The following EPB41 variants were observed in gnomAD, a reference collection of about 807,000 sequenced individuals.
The protein encoded by EPB41 is erythrocyte membrane protein band 4.1, also known as protein 4.1.
Under a neutral mutation model 108.0 loss-of-function variants are expected in EPB41, and 65 were observed. The observed-to-expected ratio is 0.60, with a 90% CI of 0.49 to 0.74. The LOEUF (loss-of-function observed/expected upper bound fraction) is 0.74, where lower values mean the gene tolerates loss of function less well. EPB41 is among the 30% of genes least tolerant of loss of function. EPB41 has a pLI of 0.00. For synonymous variants in EPB41, 336 were observed against 358.9 expected (o/e 0.94, Z 0.72); for missense variants, 875 against 1,037.0 (o/e 0.84, Z 2.15).
At chr1:29,111,039 C>T (rs1358031674) in intron 18 of EPB41, among the ~76,000 whole-genome samples, 4 of 151,982 alleles carry the variant, frequency 2.6e-5, no homozygotes, top group Non-Finnish European at 4.4e-5. Context: ...TGGTGGCACA[C>T]GCCTATAGTC....
chr1:29,078,659 G>T (rs914549693), intron 16 of EPB41, among the ~76,000 whole-genome samples: 12 of 152,042 alleles, frequency 7.9e-5, no homozygotes, highest in African/African-American at 2.7e-4. Context: ...GAGGTAAGAG[G>T]ATCATTTGAA....
intron 12 of EPB41, among the ~76,000 whole-genome samples, chr1:29,058,354 T>C (rs1457985044): frequency 6.6e-6 from 1 of 152,228 alleles, no homozygotes; most frequent in Admixed American, 6.5e-5. Context: ...ATTTTCTTTT[T>C]TGATAATTTG....
chr1:29,053,034 C>T, intron 11 of EPB41, 70 bp from the exon 12 acceptor site: 5 of 1,523,350 alleles, frequency 3.3e-6, no homozygotes, highest in Non-Finnish European at 4.5e-6. Context: ...AATTATTTTG[C>T]CTGGTGACTT....
intron 11 of EPB41, among the ~76,000 whole-genome samples, chr1:29,044,233 C>G (rs1420766539): frequency 6.6e-6 from 1 of 152,188 alleles, no homozygotes; most frequent in African/African-American, 2.4e-5. Flanking sequence ...GTGACTTGTT[C>G]AGCATCTCAC....
intron 17 of EPB41, among the ~76,000 whole-genome samples, chr1:29,103,344 A>C (rs1666085227): frequency 6.6e-6 from 1 of 152,242 alleles, no homozygotes; most frequent in Non-Finnish European, 1.5e-5. Flanking sequence ...AAATATCCTG[A>C]CATATTAGAG....
At chr1:28,983,153 A>G (rs569308048) in intron 1 of EPB41, among the ~76,000 whole-genome samples, 1 of 152,234 alleles carries the variant, frequency 6.6e-6, no homozygotes, top group Non-Finnish European at 1.5e-5. Context: ...GCCATACTCT[A>G]TGTTTAAAGA....
At chr1:28,968,981 CCA>C (rs1557855894) in intron 1 of EPB41, among the ~76,000 whole-genome samples, 2 of 143,626 alleles carry the variant, frequency 1.4e-5, no homozygotes, top group African/African-American at 5.2e-5. Flanking sequence ...CCCCCACCCC[CCA>C]AAAAAAAAAC....
chr1:29,006,259 C>T (rs1323103693), intron 4 of EPB41, among the ~76,000 whole-genome samples: 19 of 127,264 alleles, frequency 1.5e-4, no homozygotes, highest in Admixed American at 9.3e-4. Context: ...TTTTTTGAGA[C>T]GGAGTCTCGC....
intron 16 of EPB41, among the ~76,000 whole-genome samples, chr1:29,084,058 G>A (rs777520754): frequency 6.6e-6 from 1 of 152,108 alleles, no homozygotes; most frequent in Admixed American, 6.6e-5. Context: ...AGATAACCTC[G>A]ATTCCTGCTG....
chr1:28,941,988 T>G (rs1270377749), intron 1 of EPB41, among the ~76,000 whole-genome samples: 1 of 151,250 alleles, frequency 6.6e-6, no homozygotes, highest in Non-Finnish European at 1.5e-5. Context: ...AACGATAAAG[T>G]ATAAAGACCA....
intron 1 of EPB41, among the ~76,000 whole-genome samples, chr1:28,918,643 G>A (rs1184517492): frequency 6.6e-6 from 1 of 152,146 alleles, no homozygotes; most frequent in Non-Finnish European, 1.5e-5. Flanking sequence ...TAGGTGCAGT[G>A]GTTTATGCTT....
intron 1 of EPB41, among the ~76,000 whole-genome samples, chr1:28,987,037 T>C (rs1416226805): frequency 1.3e-5 from 2 of 152,210 alleles, no homozygotes; most frequent in African/African-American, 2.4e-5. Flanking sequence ...CAGGGAATAA[T>C]TCCTGCAAAT....
intron 11 of EPB41, among the ~76,000 whole-genome samples, chr1:29,045,294 G>T (rs1642826739): frequency 6.6e-6 from 1 of 151,946 alleles, no homozygotes; most frequent in East Asian, 1.9e-4. Flanking sequence ...GTGATTTTTG[G>T]TGTAGGTAAC....
intron 2 of EPB41, among the ~76,000 whole-genome samples, chr1:28,988,892 A>G (rs2095938966): frequency 6.6e-6 from 1 of 152,196 alleles, no homozygotes; most frequent in Non-Finnish European, 1.5e-5. Flanking sequence ...AGAAAAAAAA[A>G]GTATCAAATC....
At chr1:29,112,504 T>C in intron 19 of EPB41, 56 bp downstream of exon 19, 8 of 1,426,046 alleles carry the variant, frequency 5.6e-6, no homozygotes, top group Non-Finnish European at 7.9e-6. Context: ...GGAAGACCGA[T>C]GAATACAGGA....
At chr1:29,064,951 T>G in intron 15 of EPB41, 31 bp from the exon 16 acceptor site, 1 of 1,613,308 alleles carries the variant, frequency 6.2e-7, no homozygotes, top group Non-Finnish European at 8.5e-7. Flanking sequence ...TGATTGTGTA[T>G]TGTTTTGCAT....
At chr1:28,897,378 A>G (rs1287775707) in intron 1 of EPB41, among the ~76,000 whole-genome samples, 2 of 151,740 alleles carry the variant, frequency 1.3e-5, no homozygotes, top group Admixed American at 6.6e-5. Flanking sequence ...GAGCAACCCC[A>G]TCTCTACAAA....
chr1:29,091,108 T>C (rs536016328), intron 16 of EPB41, among the ~76,000 whole-genome samples: 2 of 152,338 alleles, frequency 1.3e-5, no homozygotes, highest in African/African-American at 4.8e-5. Flanking sequence ...CTGTCTAATT[T>C]AACTCAGCAG....
chr1:28,920,665 G>A (rs1369716892), intron 1 of EPB41, among the ~76,000 whole-genome samples: 1 of 151,908 alleles, frequency 6.6e-6, no homozygotes, highest in Non-Finnish European at 1.5e-5. Context: ...TTGAGACAGG[G>A]TCTTACTCCT....
Sources: gnomAD v4.1 joint callset for allele counts (sites outside exome capture counted in the v4.1 genomes callset) on GRCh38, gnomAD v4.1.1 for gene constraint, MANE v1.5 for transcripts, NCBI Gene and HGNC (gene_info 2026-07-23, HGNC 2026-07-21) for gene names.